WFS1: variants seen among roughly 807,000 people sequenced by gnomAD.
WFS1 encodes the protein wolframin.
WFS1 carries 90 observed loss-of-function variants against 68.5 expected under a neutral mutation model. The ratio of observed to expected loss-of-function variants is 1.31; its 90% confidence interval spans 1.11 to 1.56. The LOEUF (loss-of-function observed/expected upper bound fraction) is 1.56, where lower values mean the gene tolerates loss of function less well. Ranked by LOEUF, WFS1 falls within the 40% of genes most tolerant of loss-of-function variation. The pLI is 0.00. For missense variants in WFS1, 1,767 were observed against 1,232.6 expected (o/e 1.43, Z -6.49); for synonymous variants, 860 against 540.7 (o/e 1.59, Z -8.19).
At position 6,302,410 on chromosome 4, in the gene WFS1, A is replaced by T; in HGVS notation, c.2615A>T (p.His872Leu). 1 of 1,613,228 alleles carries T rather than the reference A, an allele frequency of 6.2e-7. No individual in the cohort carries two copies. The highest frequency in any genetic ancestry group is 8.5e-7 in the Non-Finnish European group (1 of 1,180,032). The change falls in exon 8 of 8, where the codon CAT becomes CTT. Residue 872 changes from histidine (H) to leucine (L), a missense_variant. By Grantham distance (99) the His-to-Leu change is moderately conservative. Coordinates refer to ENST00000226760, the MANE Select transcript of WFS1 (RefSeq NM_006005.3). ...KIEHDWRSTV[H>L]GAVKFAFDFF... ...GAGCACGACTGGCGCAGCACCGTGC[A>T]TGGCGCCGTGAAGTTCGCCTTCGAC...
At chr4:6,299,501 G>A (rs1372417175) in intron 7 of WFS1, among the ~76,000 whole-genome samples, 1 of 149,344 alleles carries the variant, frequency 6.7e-6, no homozygotes, top group South Asian at 2.1e-4. Context: ...CGTGTGTGTA[G>A]GGGTGGGTTG....
intron 4 of WFS1, among the ~76,000 whole-genome samples, 194 bp from the exon 5 acceptor site, chr4:6,291,003 C>T (rs1436860214): frequency 6.7e-6 from 1 of 149,102 alleles, no homozygotes; most frequent in Non-Finnish European, 1.5e-5. Context: ...ACCAGTCTGG[C>T]CTCCCAGCTG....
chr4:6,301,146 G>A lies in WFS1; in HGVS notation c.1351G>A (p.Ala451Thr), dbSNP rs1331237821. The change falls in exon 8 of 8, where the codon GCA becomes ACA. Residue 451 changes from alanine to threonine, a missense_variant. By Grantham distance (58) the Ala-to-Thr change is moderately conservative (BLOSUM62 0). Coordinates refer to ENST00000226760, the MANE Select transcript of WFS1 (RefSeq NM_006005.3). ...CAGCTACCTGAGCCTGAGCACCCAT[G>A]CAGAGCCCTACACGCGCAGGGCCCT... ...VTSYLSLSTH[A>T]EPYTRRALAT... 1.2e-6 allele frequency: 2 copies of A among 1,613,066 alleles called. No individual in the cohort carries two copies. The highest frequency in any genetic ancestry group is 1.3e-5 in the African/African-American group (1 of 74,992).
In WFS1 at chr4:6,302,829, CTTTCT is replaced by C. The variant is rs886059535; in HGVS notation, c.*365_*369del. 1.8e-4 allele frequency: 65 copies of C among 364,210 alleles called. No individual in the cohort carries two copies. The highest frequency in any genetic ancestry group is 1.1e-3 in the African/African-American group (52 of 48,482). 22.6% of individuals were successfully genotyped at this position (364,210 alleles called of 1,614,324 possible). On this transcript the variant is annotated 3_prime_UTR_variant, in exon 8 of 8. Coordinates refer to ENST00000226760, the MANE Select transcript of WFS1 (RefSeq NM_006005.3). ...CCTTCAAGCACCCTGTTCCCTCTTT[CTTTCT>C]TTTGTGTTGGATTTGTTTAAAAACC...
intron 3 of WFS1, chr4:6,288,773 G>A (rs776854914): frequency 1.5e-4 from 98 of 669,136 alleles, no homozygotes; most frequent in Non-Finnish European, 2.5e-4. Flanking sequence ...TGTGGATGGG[G>A]TGGCCACACC....
At chr4:6,288,769 T>G in intron 3 of WFS1, 4 of 642,830 alleles carry the variant, frequency 6.2e-6, no homozygotes, top group Non-Finnish European at 1.1e-5. Context: ...GCCGTGTGGA[T>G]GGGGTGGCCA....
rs1328014149 is a variant in WFS1 at position 6,302,761 on chromosome 4, T to G, written c.*293T>G. On this transcript the variant is annotated 3_prime_UTR_variant, in exon 8 of 8. Coordinates refer to ENST00000226760, the MANE Select transcript of WFS1 (RefSeq NM_006005.3). Reference sequence around the variant, plus strand: ...CAGGCTAGACTAGGAGGTTCCGGTGTCTGGAAAAGCACTTTACAGATGAGA... The same window carrying G: ...CAGGCTAGACTAGGAGGTTCCGGTGGCTGGAAAAGCACTTTACAGATGAGA... 2 of 526,124 alleles carry G rather than the reference T, an allele frequency of 3.8e-6. No homozygotes were observed. Among genetic ancestry groups the G allele is most frequent in the Non-Finnish European group, 6.7e-6 (2 of 296,442 alleles). The allele number at this position is 526,124 out of a possible 1,614,324, so 32.6% of individuals were successfully genotyped here.
At chr4:6,284,969 G>A (rs1730269513) in intron 2 of WFS1, among the ~76,000 whole-genome samples, 1 of 151,374 alleles carries the variant, frequency 6.6e-6, no homozygotes, top group African/African-American at 2.4e-5. Flanking sequence ...CCACGCTGGG[G>A]GGCTGGCAGG....
In WFS1 at chr4:6,300,654, C is replaced by G. The variant is rs201889635; in HGVS notation, c.862-3C>G. On this transcript the variant is annotated splice_polypyrimidine_tract_variant and splice_region_variant and intron_variant, in intron 7 of 7. Coordinates refer to ENST00000226760, the MANE Select transcript of WFS1 (RefSeq NM_006005.3). ...TCGTTCCCACGTACCATCTTTCCCC[C>G]AGGTGGTCAAGTACCCCCTGCACGC... 6.1e-5 allele frequency: 98 copies of G among 1,613,918 alleles called. No homozygotes were observed. Among genetic ancestry groups the G allele is most frequent in the Non-Finnish European group, 7.5e-5 (88 of 1,179,938 alleles).
chr4:6,300,987 G>T lies in WFS1; in HGVS notation c.1192G>T (p.Gly398Cys), dbSNP rs863224269. ...LDVEQAEVNFGWNHLEPYAHF... is the reference protein window; with the variant it reads ...LDVEQAEVNFCWNHLEPYAHF... ...TGTGGAGCAGGCCGAGGTCAACTTCGGCTGGAACCACCTGGAGCCCTATGC... is the reference window on the plus strand; with the variant it reads ...TGTGGAGCAGGCCGAGGTCAACTTCTGCTGGAACCACCTGGAGCCCTATGC... The change falls in exon 8 of 8, where the codon GGC (glycine) becomes TGC (cysteine). Residue 398 changes from glycine to cysteine, a missense_variant. Coordinates refer to ENST00000226760, the MANE Select transcript of WFS1 (RefSeq NM_006005.3). 6 of 1,613,816 alleles carry T rather than the reference G, an allele frequency of 3.7e-6. No homozygotes were observed. The highest frequency in any genetic ancestry group is 4.2e-6 in the Non-Finnish European group (5 of 1,180,002).
At chr4:6,284,648 A>G (rs1730260991) in intron 2 of WFS1, among the ~76,000 whole-genome samples, 1 of 151,630 alleles carries the variant, frequency 6.6e-6, no homozygotes, top group Non-Finnish European at 1.5e-5. Flanking sequence ...CTCCTGGGGA[A>G]GTGGGGGAGG....
chr4:6,284,373 CA>C (rs1415842886), intron 2 of WFS1, among the ~76,000 whole-genome samples: 10 of 152,102 alleles, frequency 6.6e-5, no homozygotes, highest in Middle Eastern at 3.4e-3. Context: ...AACTCTGTCT[CA>C]AAAAATAATA....
At chr4:6,284,542 G>T (rs931157865) in intron 2 of WFS1, among the ~76,000 whole-genome samples, 4 of 151,970 alleles carry the variant, frequency 2.6e-5, no homozygotes, top group Non-Finnish European at 4.4e-5. Context: ...AAAAAGGGAA[G>T]AATAATATGA....
chr4:6,291,389 A>G lies in WFS1; in HGVS notation c.631+22A>G, dbSNP rs528694543. ...CACGGTGCGAGGATTCACCCTGGGCACCAGCCTTCCCTGGGCGCCAGCCTT... is the reference window on the plus strand; with the variant it reads ...CACGGTGCGAGGATTCACCCTGGGCGCCAGCCTTCCCTGGGCGCCAGCCTT... On this transcript the variant is annotated intron_variant, in intron 5 of 7. Transcript: ENST00000226760. The G allele has an allele frequency of 4.8e-5, 77 of 1,610,062 alleles. No individual in the cohort carries two copies. The South Asian group carries it at 7.0e-4, about 15-fold the overall frequency.
chr4:6,292,182 C>T (rs1432509407), intron 6 of WFS1, among the ~76,000 whole-genome samples, 185 bp downstream of exon 6: 1 of 152,176 alleles, frequency 6.6e-6, no homozygotes, highest in African/African-American at 2.4e-5. Context: ...CTCAGGCGGT[C>T]CGTTTGGGGC....
rs1159492370 is a variant in WFS1, at chr4:6,289,033, T to C, written c.362T>C (p.Leu121Pro). ...LQLAGDTDEE[L>P]NSCTAVDWLV... is the part of the protein sequence containing the mutation. ...TTGGCCGGCGACACGGATGAAGAAC[T>C]CAACAGCTGCACCGCTGTGGACTGG... The change falls in exon 4 of 8, where the codon CTC becomes CCC. Residue 121 changes from leucine to proline, a missense_variant. By Grantham distance (98) the Leu-to-Pro change is moderately conservative. Transcript: ENST00000226760. 1 of 1,607,180 alleles carries C rather than the reference T, an allele frequency of 6.2e-7. No individual in the cohort carries two copies.
intron 2 of WFS1, among the ~76,000 whole-genome samples, chr4:6,280,404 G>T (rs895890421): frequency 1.3e-5 from 2 of 152,196 alleles, no homozygotes; most frequent in African/African-American, 4.8e-5. Context: ...CTGTTGTTCT[G>T]CTCAACAAGA....
At position 6,287,009 on chromosome 4, in the gene WFS1, G is replaced by T; in HGVS notation, c.233-84G>T. On this transcript the variant is annotated intron_variant, in intron 2 of 7. Transcript: ENST00000226760. This position sits in a 1 kb window ranked among gnomAD's most constrained non-coding sequence, Gnocchi z 6.4. ...AGTGACAAGCAGCAGCAGATCTGAA[G>T]ACCCTCATGCCTTGTCCCCTCCATC... is the stretch of plus-strand genomic sequence containing the variant. 1 of 1,206,892 alleles carries T rather than the reference G, an allele frequency of 8.3e-7. No homozygotes were observed. Among genetic ancestry groups the T allele is most frequent in the Non-Finnish European group, 1.2e-6 (1 of 833,334 alleles). The allele number at this position is 1,206,892 out of a possible 1,614,324, so 74.8% of individuals were successfully genotyped here.
At chr4:6,274,695 G>A (rs945813113) in intron 1 of WFS1, among the ~76,000 whole-genome samples, 1 of 152,048 alleles carries the variant, frequency 6.6e-6, no homozygotes, top group Non-Finnish European at 1.5e-5. Flanking sequence ...GTCTAGGCTG[G>A]GGGAGGGGGG....
Sources: allele counts gnomAD v4.1 joint callset (sites outside exome capture counted in the v4.1 genomes callset), GRCh38; gene constraint gnomAD v4.1.1; non-coding constraint Gnocchi (gnomAD v3.1); transcripts MANE v1.5; gene names NCBI Gene and HGNC (gene_info 2026-07-23, HGNC 2026-07-21).